Variants in ITPR3 observed in about 807,000 individuals in gnomAD.
The protein encoded by ITPR3 is inositol 1,4,5-trisphosphate-gated calcium channel ITPR3.
A neutral mutation model predicts 293.2 loss-of-function variants in ITPR3; 173 were observed. The observed-to-expected ratio is 0.59, with a 90% CI of 0.52 to 0.67. The LOEUF (loss-of-function observed/expected upper bound fraction) is 0.67. Among genes scored for constraint, ITPR3 ranks in the 30% least tolerant of loss-of-function variants. ITPR3 has a pLI of 0.00. For synonymous variants in ITPR3, 1,295 were observed against 1,444.4 expected (o/e 0.90, Z 2.35); for missense variants, 2,796 against 3,592.1 (o/e 0.78, Z 5.66).
At chr6:33,659,907 C>T (rs940582049) in intron 7 of ITPR3, among the ~76,000 whole-genome samples, 3 of 152,196 alleles carry the variant, frequency 2.0e-5, no homozygotes, top group Non-Finnish European at 4.4e-5. Flanking sequence ...ACCAGGCCCC[C>T]GCCCCTTGCC....
chr6:33,636,193 T>C (rs1469892225), intron 1 of ITPR3, among the ~76,000 whole-genome samples: 2 of 150,104 alleles, frequency 1.3e-5, no homozygotes, highest in Non-Finnish European at 3.0e-5. Flanking sequence ...TCCCAGCTAC[T>C]TGGGAGGCTG....
At position 33,667,177 on chromosome 6, in the gene ITPR3, C is replaced by T. The variant is rs1764630842; in HGVS notation, c.1600C>T (p.Pro534Ser). The change falls in exon 15 of 58, where the codon CCC (proline) becomes TCC (serine). Residue 534 changes from proline to serine, a missense_variant. Transcript: ENST00000605930. This position sits in a 1 kb window ranked among gnomAD's most constrained non-coding sequence, Gnocchi z 4.4. ...APFREKGGEG[P>S]LVRLEELSDQ... ...GTTCCGTGAGAAGGGGGGTGAAGGT[C>T]CCCTGGTGCGGCTGGAGGAGCTGTC... The T allele has an allele frequency of 5.0e-6, 8 of 1,614,158 alleles. No homozygotes were observed. The highest frequency in any genetic ancestry group is 6.8e-6 in the Non-Finnish European group (8 of 1,179,996).
intron 1 of ITPR3, 120 bp from the exon 2 acceptor site, chr6:33,640,364 A>C: frequency 3.4e-5 from 29 of 843,716 alleles, no homozygotes; most frequent in Non-Finnish European, 5.0e-5. Flanking sequence ...GGAGCTTGTT[A>C]GAGATGGAGG....
At chr6:33,681,175 AAAC>A (rs1476709765) in intron 33 of ITPR3, among the ~76,000 whole-genome samples, 4 of 152,240 alleles carry the variant, frequency 2.6e-5, no homozygotes, top group East Asian at 1.9e-4. Context: ...CTAGCAGTTA[AAAC>A]AACAAGCATT....
chr6:33,695,287 A>G, intron 57 of ITPR3: 1 of 614,674 alleles, frequency 1.6e-6, no homozygotes, highest in East Asian at 2.8e-5. Flanking sequence ...CGCTAAAGAC[A>G]AGGCCAAGTG....
In ITPR3 at chr6:33,693,567, TAACAA is replaced by T; in HGVS notation, c.7648_7652del (p.Asn2550AspfsTer5). Reference sequence around the variant, plus strand: ...CAGGTCTGGAGAGGGACAAGTTTGATAACAAGACAGTGTCATTTGAGGAACACATC... The same window carrying T: ...CAGGTCTGGAGAGGGACAAGTTTGATGACAGTGTCATTTGAGGAACACATC... On this transcript the variant is annotated frameshift_variant, in exon 56 of 58. Coordinates refer to ENST00000605930, the MANE Select transcript of ITPR3 (RefSeq NM_002224.4). LOFTEE classifies it high-confidence loss of function. 1.2e-6 allele frequency: 2 copies of T among 1,614,110 alleles called. No homozygotes were observed. The highest frequency in any genetic ancestry group is 1.7e-6 in the Non-Finnish European group (2 of 1,180,004).
At position 33,637,839 on chromosome 6, in the gene ITPR3, G is replaced by C. The variant is rs536439265; in HGVS notation, c.90-2645G>C. On this transcript the variant is annotated intron_variant, in intron 1 of 57. Coordinates refer to ENST00000605930, the MANE Select transcript of ITPR3 (RefSeq NM_002224.4). Reference sequence around the variant, plus strand: ...TTTTTTTTTTTTTTTAGTAGAGATGGAGATTCGCCATGTTGGCCAGGTTGG... The same window carrying C: ...TTTTTTTTTTTTTTTAGTAGAGATGCAGATTCGCCATGTTGGCCAGGTTGG... Among the ~76,000 whole-genome samples, 448 of 150,538 alleles carry C rather than the reference G, an allele frequency of 3.0e-3. 1 individual carries two copies. The highest frequency in any genetic ancestry group is 4.6e-3 in the Non-Finnish European group (311 of 67,746).
chr6:33,661,581 T>A (rs1764468125), intron 7 of ITPR3, among the ~76,000 whole-genome samples: 1 of 152,206 alleles, frequency 6.6e-6, no homozygotes, highest in Non-Finnish European at 1.5e-5. Flanking sequence ...TGTGACTTCA[T>A]CACGCATATT....
chr6:33,695,080 GAGC>G lies in ITPR3; in HGVS notation c.7945_7947del (p.Gln2649del). ...CACTGCCCAGCTCAACGAGCTCAAG[GAGC>G]AGGTGTGCACCCCGCCTGATCCCAG... On this transcript the variant is annotated inframe_deletion and splice_region_variant, in exon 57 of 58. Coordinates refer to ENST00000605930, the MANE Select transcript of ITPR3 (RefSeq NM_002224.4). 6.2e-7 allele frequency: 1 copy of G among 1,613,676 alleles called. No individual in the cohort carries two copies.
chr6:33,663,303 G>T (rs1764523345), intron 9 of ITPR3, among the ~76,000 whole-genome samples, 197 bp from the exon 10 acceptor site: 1 of 152,212 alleles, frequency 6.6e-6, no homozygotes, highest in Non-Finnish European at 1.5e-5. Flanking sequence ...GCATTGGTGT[G>T]TATGTGTGTA....
Position 33,627,680 on chromosome 6 carries a change from A to C in ITPR3, c.89+5989A>C, listed in dbSNP as rs574900646. Among the ~76,000 whole-genome samples, 167 of 152,332 alleles carry C rather than the reference A, an allele frequency of 1.1e-3. 1 individual carries two copies. Among genetic ancestry groups the C allele is most frequent in the Middle Eastern group, 6.8e-3 (2 of 294 alleles). ...TACACCTTTAACTCTTAGGCTGTCTAACTTTTTGTGTTTCTGTGGTGGTGG... is the reference window on the plus strand; with the variant it reads ...TACACCTTTAACTCTTAGGCTGTCTCACTTTTTGTGTTTCTGTGGTGGTGG... On this transcript the variant is annotated intron_variant, in intron 1 of 57. Transcript: ENST00000605930.
intron 2 of ITPR3, among the ~76,000 whole-genome samples, chr6:33,648,726 G>A (rs1212143851): frequency 6.6e-6 from 1 of 151,858 alleles, no homozygotes; most frequent in African/African-American, 2.4e-5. Context: ...CCAAGTAGCT[G>A]GATCACAGGT....
intron 16 of ITPR3, among the ~76,000 whole-genome samples, 180 bp from the exon 17 acceptor site, chr6:33,668,335 T>C (rs1764668808): frequency 6.6e-6 from 1 of 152,190 alleles, no homozygotes; most frequent in African/African-American, 2.4e-5. Flanking sequence ...CCCAGGGTGA[T>C]GCCCTGGGGC....
chr6:33,686,245 G>A lies in ITPR3; in HGVS notation c.5860G>A (p.Glu1954Lys). ...LTEYCQGPCHENQTCIVTHES... is the reference protein window; with the variant it reads ...LTEYCQGPCHKNQTCIVTHES... ...TGAGTACTGCCAGGGCCCCTGCCAT[G>A]AGAACCAGGTGAGCTGTCCTGGTGG... The change falls in exon 42 of 58, where the codon GAG becomes AAG. Residue 1954 changes from glutamate to lysine, a missense_variant. Coordinates refer to ENST00000605930, the MANE Select transcript of ITPR3 (RefSeq NM_002224.4). 6.2e-7 allele frequency: 1 copy of A among 1,613,606 alleles called. No individual in the cohort carries two copies. The highest frequency in any genetic ancestry group is 8.5e-7 in the Non-Finnish European group (1 of 1,179,884).
At position 33,686,088 on chromosome 6, in the gene ITPR3, C is replaced by T. The variant is rs779806902; in HGVS notation, c.5703C>T (p.Tyr1901=). The part of the protein sequence containing the change: ...FLRCQNNKTN[Y]NLVCETLQFL... ...GCTGTCAGAACAACAAAACCAACTA[C>T]AACTTGGTATGCGAGACGCTGCAGT... The change falls in exon 42 of 58, where the codon TAC becomes TAT. Residue 1901 remains tyrosine, a synonymous_variant. Coordinates refer to ENST00000605930, the MANE Select transcript of ITPR3 (RefSeq NM_002224.4). 3 of 1,614,194 alleles carry T rather than the reference C, an allele frequency of 1.9e-6. No homozygotes were observed. The highest frequency in any genetic ancestry group is 2.5e-6 in the Non-Finnish European group (3 of 1,180,052).
At position 33,665,088 on chromosome 6, in the gene ITPR3, C is replaced by A; in HGVS notation, c.1284C>A (p.Ala428=). 1 of 1,614,054 alleles carries A rather than the reference C, an allele frequency of 6.2e-7. No homozygotes were observed. Among genetic ancestry groups the A allele is most frequent in the South Asian group, 1.1e-5 (1 of 91,088 alleles). Residue 428 remains alanine (A), a synonymous_variant, in exon 13 of 58, where the codon GCC becomes GCA. Transcript: ENST00000605930. ...GCCCCACCAAGGAGGACAAGGAGGC[C>A]TTTGCCATCGTGTCAGTGCCCGTGT... The part of the protein sequence containing the change: ...GTCPTKEDKE[A]FAIVSVPVSE...
At position 33,686,247 on chromosome 6, in the gene ITPR3, G is replaced by A; in HGVS notation, c.5862G>A (p.Glu1954=). The A allele has an allele frequency of 6.2e-7, 1 of 1,613,574 alleles. No homozygotes were observed. The highest frequency in any genetic ancestry group is 8.5e-7 in the Non-Finnish European group (1 of 1,179,852). The change falls in exon 42 of 58, where the codon GAG becomes GAA. Residue 1954 remains glutamate (E), a synonymous_variant. Coordinates refer to ENST00000605930, the MANE Select transcript of ITPR3 (RefSeq NM_002224.4). ...LTEYCQGPCH[E]NQTCIVTHES... ...AGTACTGCCAGGGCCCCTGCCATGAGAACCAGGTGAGCTGTCCTGGTGGCA... is the reference window on the plus strand; with the variant it reads ...AGTACTGCCAGGGCCCCTGCCATGAAAACCAGGTGAGCTGTCCTGGTGGCA...
At chr6:33,685,607 G>A (rs1431256788) in intron 40 of ITPR3, 36 bp from the exon 41 acceptor site, 2 of 1,586,124 alleles carry the variant, frequency 1.3e-6, no homozygotes, top group Admixed American at 1.7e-5. Flanking sequence ...GGCCAAGGGG[G>A]TGGGCAGCTC....
In ITPR3 at chr6:33,621,832, CCTT is replaced by C. The variant is rs1434275774; in HGVS notation, c.89+145_89+147del. On this transcript the variant is annotated intron_variant, in intron 1 of 57. Transcript: ENST00000605930. The surrounding 1 kb of genome is among the most constrained non-coding windows in gnomAD (Gnocchi z 7.7). ...CTCAAGGAGCGGGAACGGCTCGCCT[CCTT>C]CTTTTACAGAAAGGAAGTGAAGTGT... The C allele has an allele frequency of 3.1e-6, 2 of 649,526 alleles. No individual in the cohort carries two copies. Among genetic ancestry groups the C allele is most frequent in the Non-Finnish European group, 5.4e-6 (2 of 367,482 alleles). 40.2% of individuals were successfully genotyped at this position (649,526 alleles called of 1,614,324 possible).
Sources: gnomAD v4.1 joint callset for allele counts (sites outside exome capture counted in the v4.1 genomes callset) on GRCh38, gnomAD v4.1.1 for gene constraint, Gnocchi (gnomAD v3.1) non-coding constraint, MANE v1.5 for transcripts, NCBI Gene and HGNC (gene_info 2026-07-23, HGNC 2026-07-21) for gene names.